The following PDZRN3 variants were observed in gnomAD, a reference collection of about 807,000 sequenced individuals.
PDZRN3 encodes E3 ubiquitin-protein ligase PDZRN3.
PDZRN3 carries 38 observed loss-of-function variants against 85.7 expected under a neutral mutation model. The observed-to-expected ratio is 0.44, with a 90% CI of 0.34 to 0.58. PDZRN3 has a LOEUF of 0.58. Among genes scored for constraint, PDZRN3 ranks in the 20% least tolerant of loss-of-function variants. The pLI, the probability that PDZRN3 is intolerant of heterozygous loss-of-function variation, is 0.01. For synonymous variants in PDZRN3, 759 were observed against 638.0 expected, an observed-to-expected ratio of 1.19 and a Z score of -2.86; for missense variants, 1,629 against 1,506.4, an observed-to-expected ratio of 1.08 and a Z score of -1.35.
chr3:73,516,986 T>C (rs1035106833), intron 3 of PDZRN3, among the ~76,000 whole-genome samples: 1 of 152,214 alleles, frequency 6.6e-6, no homozygotes, highest in Non-Finnish European at 1.5e-5. Flanking sequence ...GCTGAAGTTT[T>C]GGTGGCCCCT....
At chr3:73,585,304 A>G (rs780162326) in intron 3 of PDZRN3, among the ~76,000 whole-genome samples, 1 of 152,364 alleles carries the variant, frequency 6.6e-6, no homozygotes, top group Middle Eastern at 3.4e-3. Context: ...TGGGTTCAGC[A>G]TAACTGTCAT....
chr3:73,550,721 A>G (rs1222075990), intron 3 of PDZRN3, among the ~76,000 whole-genome samples: 1 of 152,212 alleles, frequency 6.6e-6, no homozygotes, highest in Non-Finnish European at 1.5e-5. Context: ...TCCTGGTCTA[A>G]TATCAGGTTT....
chr3:73,385,858 C>A, intron 8 of PDZRN3, 73 bp from the exon 9 acceptor site: 1 of 896,276 alleles, frequency 1.1e-6, no homozygotes, highest in Admixed American at 1.8e-5. Flanking sequence ...TTAAAAATGA[C>A]ATTACCTTGG....
chr3:73,505,550 A>T (rs533830621), intron 3 of PDZRN3, among the ~76,000 whole-genome samples: 3 of 152,248 alleles, frequency 2.0e-5, no homozygotes, highest in Non-Finnish European at 4.4e-5. Context: ...GGATTTTTCA[A>T]ATTGTCTACC....
In PDZRN3 at chr3:73,540,326, C is replaced by G. The variant is rs572575517; in HGVS notation, c.918+62028G>C. On this transcript the variant is annotated intron_variant, in intron 3 of 9. Coordinates refer to ENST00000263666, the MANE Select transcript of PDZRN3 (RefSeq NM_015009.3). ...ATTTACATATTCTGTTCAGGTTACT[C>G]CCCTCCAATAAAAACAAAACCAAAA... 1.7e-4 allele frequency among the ~76,000 whole-genome samples: 26 copies of G among 152,188 alleles called. 1 individual carries two copies. In the South Asian group the frequency reaches 5.4e-3, roughly 32 times the overall value.
At chr3:73,594,680 A>G (rs990879502) in intron 3 of PDZRN3, among the ~76,000 whole-genome samples, 7 of 147,056 alleles carry the variant, frequency 4.8e-5, no homozygotes, top group African/African-American at 1.5e-4. Context: ...AATAGTAAGG[A>G]GATCAGCTGC....
chr3:73,614,273 C>A (rs1373851350), intron 1 of PDZRN3, among the ~76,000 whole-genome samples: 1 of 152,074 alleles, frequency 6.6e-6, no homozygotes, highest in Non-Finnish European at 1.5e-5. Context: ...TTTAAGCATC[C>A]AAGAATGTGA....
At chr3:73,470,953 A>G (rs867364633) in intron 3 of PDZRN3, among the ~76,000 whole-genome samples, 4 of 152,180 alleles carry the variant, frequency 2.6e-5, no homozygotes, top group Non-Finnish European at 5.9e-5. Flanking sequence ...CCATTTTGCA[A>G]TTTTAAAACT....
intron 3 of PDZRN3, among the ~76,000 whole-genome samples, chr3:73,528,346 T>C (rs75445620): frequency 0.011 from 1,628 of 152,242 alleles, 32 homozygotes; most frequent in African/African-American, 0.036. Flanking sequence ...GAGAAAAACA[T>C]TTCAATGGGA....
At chr3:73,617,300 C>G (rs1160701799) in intron 1 of PDZRN3, among the ~76,000 whole-genome samples, 1 of 152,182 alleles carries the variant, frequency 6.6e-6, no homozygotes, top group Non-Finnish European at 1.5e-5. Flanking sequence ...TGCTCAGGTC[C>G]ATCTGGTAGT....
In PDZRN3 at chr3:73,615,008, A is replaced by G. The variant is rs1702739548; in HGVS notation, c.724-6324T>C. ...GTTGAAATTGGATGAGACACTCAAC[A>G]AAAGTATTAATAGGATGTTTCTGTC... On this transcript the variant is annotated intron_variant, in intron 1 of 9. Coordinates refer to ENST00000263666, the MANE Select transcript of PDZRN3 (RefSeq NM_015009.3). Among the ~76,000 whole-genome samples the G allele has an allele frequency of 2.0e-5, 3 of 152,172 alleles. No homozygotes were observed. In the South Asian group the frequency reaches 6.2e-4, roughly 32 times the overall value.
chr3:73,433,563 C>T (rs1450806747), intron 3 of PDZRN3: 1 of 944,106 alleles, frequency 1.1e-6, no homozygotes, highest in Admixed American at 2.1e-5. Flanking sequence ...TAAAAATCCC[C>T]ACTACCTTTC....
intron 3 of PDZRN3, among the ~76,000 whole-genome samples, chr3:73,497,499 A>T (rs1432003505): frequency 6.6e-6 from 1 of 152,236 alleles, no homozygotes; most frequent in Non-Finnish European, 1.5e-5. Flanking sequence ...CTGATATTAG[A>T]GGTGCATCCT....
intron 3 of PDZRN3, among the ~76,000 whole-genome samples, chr3:73,544,627 C>T (rs1392883434): frequency 2.0e-5 from 3 of 151,262 alleles, no homozygotes; most frequent in African/African-American, 4.9e-5. Flanking sequence ...CTCTGTGGTG[C>T]CGAGATATTC....
intron 3 of PDZRN3, among the ~76,000 whole-genome samples, chr3:73,461,674 G>C (rs1049355815): frequency 3.9e-5 from 6 of 152,220 alleles, no homozygotes; most frequent in African/African-American, 1.4e-4. Context: ...ATCTGGAGAA[G>C]TTAAGCCATT....
At chr3:73,586,739 C>T (rs923969956) in intron 3 of PDZRN3, among the ~76,000 whole-genome samples, 3 of 152,186 alleles carry the variant, frequency 2.0e-5, no homozygotes, top group African/African-American at 7.2e-5. Flanking sequence ...CATCAAACAT[C>T]AAGCTGATAC....
At chr3:73,463,983 TTTTA>T (rs1005496776) in intron 3 of PDZRN3, among the ~76,000 whole-genome samples, 57 of 152,250 alleles carry the variant, frequency 3.7e-4, no homozygotes, top group African/African-American at 1.2e-3. Flanking sequence ...CTTTTTTATT[TTTTA>T]TTTATTTATT....
intron 2 of PDZRN3, among the ~76,000 whole-genome samples, chr3:73,608,327 CAGAAATGTACCCCCTAACAAAAAA>C (rs1702632938): frequency 6.6e-6 from 1 of 152,182 alleles, no homozygotes; most frequent in African/African-American, 2.4e-5. Context: ...GCTATACAAA[CAGAAATGTACCCCCTAACAAAAAA>C]AGAAATGCAC....
intron 2 of PDZRN3, among the ~76,000 whole-genome samples, chr3:73,605,802 T>C (rs1013242087): frequency 6.6e-6 from 1 of 152,216 alleles, no homozygotes; most frequent in African/African-American, 2.4e-5. Flanking sequence ...GGCAAACACA[T>C]GCACATGGAA....
Sources: allele counts gnomAD v4.1 joint callset (sites outside exome capture counted in the v4.1 genomes callset), GRCh38; gene constraint gnomAD v4.1.1; transcripts MANE v1.5; gene names NCBI Gene and HGNC (gene_info 2026-07-23, HGNC 2026-07-21).